CSMD1: variants seen among roughly 807,000 people sequenced by gnomAD.
CSMD1 encodes CUB and sushi domain-containing protein 1.
Under a neutral mutation model 417.5 loss-of-function variants are expected in CSMD1, and 213 were observed. The observed-to-expected ratio is 0.51, with a 90% CI of 0.46 to 0.57. The LOEUF (loss-of-function observed/expected upper bound fraction) is 0.57, where lower values mean the gene tolerates loss of function less well. CSMD1 is among the 20% of genes least tolerant of loss of function. CSMD1 has a pLI of 0.00. For synonymous variants in CSMD1, 2,862 were observed against 1,736.8 expected, an observed-to-expected ratio of 1.65 and a Z score of -16.11; for missense variants, 6,923 against 4,529.7, an observed-to-expected ratio of 1.53 and a Z score of -15.17.
chr8:4,220,774 C>T (rs189224448), intron 3 of CSMD1, among the ~76,000 whole-genome samples: 1 of 152,282 alleles, frequency 6.6e-6, no homozygotes, highest in African/African-American at 2.4e-5. Context: ...TATGGGGCCA[C>T]CCAAGAAATC....
intron 1 of CSMD1, among the ~76,000 whole-genome samples, chr8:4,679,009 C>G (rs962183548): frequency 1.3e-5 from 2 of 152,222 alleles, no homozygotes; most frequent in Admixed American, 1.3e-4. Context: ...CACAGAACAA[C>G]AGGGACCTGC....
At chr8:4,179,391 C>G (rs1322812806) in intron 3 of CSMD1, among the ~76,000 whole-genome samples, 4 of 152,136 alleles carry the variant, frequency 2.6e-5, no homozygotes, top group Non-Finnish European at 5.9e-5. Flanking sequence ...AAAGCTGAAG[C>G]TGGATCCCTT....
chr8:4,470,890 C>T (rs76207683), intron 2 of CSMD1, among the ~76,000 whole-genome samples: 2,083 of 152,182 alleles, frequency 0.014, 37 homozygotes, highest in African/African-American at 0.047. Context: ...TTAAGTAACT[C>T]TTAATGTAAA....
intron 1 of CSMD1, among the ~76,000 whole-genome samples, chr8:4,887,542 T>C (rs868322166): frequency 2.6e-5 from 4 of 151,998 alleles, no homozygotes; most frequent in Middle Eastern, 3.2e-3. Flanking sequence ...CATAGTTTTT[T>C]ATTTGTTAAC....
intron 1 of CSMD1, among the ~76,000 whole-genome samples, chr8:4,850,317 G>GTTT (rs1272984561): frequency 7.4e-6 from 1 of 134,434 alleles, no homozygotes; most frequent in African/African-American, 2.8e-5. Flanking sequence ...TACGGCTTGT[G>GTTT]TTTTTACTGT....
chr8:4,646,253 ATAAT>A (rs1225742033), intron 1 of CSMD1, among the ~76,000 whole-genome samples: 5 of 152,170 alleles, frequency 3.3e-5, no homozygotes, highest in African/African-American at 1.2e-4. Context: ...CTTAGAACTA[ATAAT>A]TAGTTGTATG....
At chr8:4,223,653 C>T (rs1700063) in intron 3 of CSMD1, among the ~76,000 whole-genome samples, 76,456 of 152,148 alleles carry the variant, frequency 0.5, 20,416 homozygotes, top group Non-Finnish European at 0.59. Flanking sequence ...AGTTAAACCC[C>T]AGTCTGTCTG....
At chr8:4,554,844 T>C (rs1585242780) in intron 2 of CSMD1, among the ~76,000 whole-genome samples, 1 of 152,112 alleles carries the variant, frequency 6.6e-6, no homozygotes, top group Non-Finnish European at 1.5e-5. Flanking sequence ...ATTGATGGGG[T>C]TAAAAGCTGA....
intron 18 of CSMD1, 128 bp from the exon 19 acceptor site, chr8:3,369,498 C>G: frequency 1.7e-6 from 1 of 598,134 alleles, no homozygotes; most frequent in Non-Finnish European, 3.0e-6. Flanking sequence ...CAAGAAAAAC[C>G]AAGCAGAACC....
At chr8:3,042,146 T>C (rs1469272804) in intron 50 of CSMD1, among the ~76,000 whole-genome samples, 3 of 152,224 alleles carry the variant, frequency 2.0e-5, no homozygotes, top group South Asian at 4.1e-4. Context: ...TCTCCAGGGG[T>C]CTCTCATGCA....
intron 2 of CSMD1, among the ~76,000 whole-genome samples, chr8:4,504,826 G>A (rs529024461): frequency 6.6e-6 from 1 of 152,220 alleles, no homozygotes; most frequent in Non-Finnish European, 1.5e-5. Context: ...TATTTTTTAT[G>A]GCTGCATAGT....
chr8:4,160,421 A>C (rs373871581), intron 3 of CSMD1, among the ~76,000 whole-genome samples: 86 of 152,334 alleles, frequency 5.6e-4, no homozygotes, highest in African/African-American at 1.9e-3. Context: ...AAATTCAATG[A>C]AATAGTCCAG....
rs142273626 is a variant in CSMD1, at chr8:4,142,689, G to A, written c.416-110590C>T. 1.3e-3 allele frequency among the ~76,000 whole-genome samples: 193 copies of A among 151,224 alleles called. 12 individuals are homozygous for A. Among genetic ancestry groups the A allele is most frequent in the African/African-American group, 4.5e-3 (182 of 40,542 alleles). ...GCCGTGGCTTCTTTGCAGTTATTGG[G>A]TGGCTGAGGTTTAGGGCATTCCTAG... On this transcript the variant is annotated intron_variant, in intron 3 of 69. Coordinates refer to ENST00000635120, the MANE Select transcript of CSMD1 (RefSeq NM_033225.6).
chr8:3,984,894 G>A (rs905481072), intron 5 of CSMD1, among the ~76,000 whole-genome samples: 21 of 151,722 alleles, frequency 1.4e-4, no homozygotes, highest in East Asian at 3.9e-4. Context: ...TCCATAAAAC[G>A]AATACTTTAT....
chr8:4,681,605 T>A (rs570868613), intron 1 of CSMD1, among the ~76,000 whole-genome samples: 54 of 152,294 alleles, frequency 3.5e-4, no homozygotes, highest in Middle Eastern at 3.4e-3. Context: ...TCGAGCCTGG[T>A]AAATATTACT....
intron 1 of CSMD1, among the ~76,000 whole-genome samples, chr8:4,882,875 G>A (rs1803500766): frequency 6.6e-6 from 1 of 151,976 alleles, no homozygotes; most frequent in Non-Finnish European, 1.5e-5. Flanking sequence ...AAGGAAGAAA[G>A]CAAAGGAATG....
At chr8:4,456,951 T>C (rs1267436873) in intron 2 of CSMD1, among the ~76,000 whole-genome samples, 2 of 147,230 alleles carry the variant, frequency 1.4e-5, no homozygotes, top group East Asian at 4.1e-4. Context: ...ATTCCTCTGA[T>C]TTACAAGAGA....
At chr8:3,878,540 A>G (rs1051518263) in intron 5 of CSMD1, among the ~76,000 whole-genome samples, 15 of 152,194 alleles carry the variant, frequency 9.9e-5, no homozygotes, top group African/African-American at 3.6e-4. Context: ...TGAAAAAGGA[A>G]ATTATATAGA....
intron 5 of CSMD1, among the ~76,000 whole-genome samples, chr8:3,791,594 A>T (rs2720798): frequency 1.3e-5 from 2 of 152,188 alleles, no homozygotes; most frequent in African/African-American, 2.4e-5. Flanking sequence ...GAGGCCTAGG[A>T]GGGTTGATCA....
Sources: allele counts gnomAD v4.1 joint callset (sites outside exome capture counted in the v4.1 genomes callset), GRCh38; gene constraint gnomAD v4.1.1; transcripts MANE v1.5; gene names NCBI Gene and HGNC (gene_info 2026-07-23, HGNC 2026-07-21).